ZNF827: variants seen among roughly 807,000 people sequenced by gnomAD.
ZNF827 encodes zinc finger protein 827.
A neutral mutation model predicts 102.4 loss-of-function variants in ZNF827; 13 were observed. The observed-to-expected ratio is 0.13, with a 90% CI of 0.08 to 0.20. The LOEUF is 0.20. Ranked by LOEUF, ZNF827 falls within the 10% of genes least tolerant of loss-of-function variation. ZNF827 has a pLI of 1.00. For missense variants in ZNF827, 1,103 were observed against 1,344.4 expected (o/e 0.82, Z 2.81); for synonymous variants, 523 against 536.2 (o/e 0.98, Z 0.34).
chr4:145,761,329 C>G lies in ZNF827; in HGVS notation c.*287G>C. The G allele has an allele frequency of 7.8e-7, 1 of 1,289,956 alleles. No homozygotes were observed. The highest frequency in any genetic ancestry group is 1.0e-6 in the Non-Finnish European group (1 of 988,894). The allele number at this position is 1,289,956 out of a possible 1,614,324, so 79.9% of individuals were successfully genotyped here. A position where few individuals can be genotyped will look rare whatever the true frequency, so the allele number is the denominator to read the frequency against. On this transcript the variant is annotated 3_prime_UTR_variant, in exon 15 of 15. Coordinates refer to ENST00000508784, the MANE Select transcript of ZNF827 (RefSeq NM_001306215.2). The surrounding 1 kb of genome is among the most constrained non-coding windows in gnomAD (Gnocchi z 6.8). Reference sequence around the variant, plus strand: ...GTTGAGATTGTCCTTGCGCTTGCAGCTGTAGCTGCACTGGTCACAGTGGAA... The same window carrying G: ...GTTGAGATTGTCCTTGCGCTTGCAGGTGTAGCTGCACTGGTCACAGTGGAA...
chr4:145,936,852 C>T (rs1754210943), intron 1 of ZNF827, among the ~76,000 whole-genome samples: 1 of 152,084 alleles, frequency 6.6e-6, no homozygotes. Flanking sequence ...CTCCCGCCCC[C>T]AGCCCGGGTT....
intron 5 of ZNF827, among the ~76,000 whole-genome samples, chr4:145,863,722 G>A (rs981486833): frequency 6.9e-6 from 1 of 145,430 alleles, no homozygotes; most frequent in Non-Finnish European, 1.5e-5. Flanking sequence ...TGCCTGGGTG[G>A]GGGGTGGAGG....
chr4:145,912,671 C>A (rs1374080434), intron 1 of ZNF827, among the ~76,000 whole-genome samples: 1 of 152,162 alleles, frequency 6.6e-6, no homozygotes, highest in Admixed American at 6.5e-5. Flanking sequence ...GACACACATG[C>A]ACACAGGAAG....
At chr4:145,859,794 T>C (rs1747527427) in intron 5 of ZNF827, among the ~76,000 whole-genome samples, 1 of 152,146 alleles carries the variant, frequency 6.6e-6, no homozygotes, top group Non-Finnish European at 1.5e-5. Flanking sequence ...CCCTAGTCAC[T>C]GAACACTCAC....
chr4:145,812,769 C>T (rs1248088440), intron 8 of ZNF827, among the ~76,000 whole-genome samples: 2 of 152,214 alleles, frequency 1.3e-5, no homozygotes, highest in East Asian at 3.9e-4. Flanking sequence ...CTCAGGTGAT[C>T]CATCCTCCTC....
intron 1 of ZNF827, among the ~76,000 whole-genome samples, chr4:145,910,139 C>T (rs535316519): frequency 4.9e-4 from 75 of 152,250 alleles, no homozygotes; most frequent in African/African-American, 1.5e-3. Context: ...GTAGTCCACA[C>T]ACGGGGGGAG....
At chr4:145,903,456 G>A (rs1292485887) in intron 1 of ZNF827, among the ~76,000 whole-genome samples, 1 of 152,192 alleles carries the variant, frequency 6.6e-6, no homozygotes, top group African/African-American at 2.4e-5. Context: ...AAAGGGAAAA[G>A]AAGGAAAAAG....
intron 5 of ZNF827, among the ~76,000 whole-genome samples, chr4:145,854,768 A>G (rs761079072): frequency 1.3e-5 from 2 of 152,196 alleles, no homozygotes; most frequent in Non-Finnish European, 2.9e-5. Context: ...TCAAAACCCT[A>G]TTCGGATGTC....
chr4:145,835,276 G>A (rs1343335197), intron 7 of ZNF827: 19 of 152,108 alleles, frequency 1.2e-4, no homozygotes, highest in African/African-American at 4.6e-4. Flanking sequence ...TGAGCTTCGG[G>A]TAACTCTCAC....
intron 11 of ZNF827, among the ~76,000 whole-genome samples, chr4:145,773,787 C>T (rs72952688): frequency 0.015 from 2,287 of 152,226 alleles, 53 homozygotes; most frequent in African/African-American, 0.051. Context: ...TCTTTGGCCG[C>T]GAACACACAT....
intron 8 of ZNF827, among the ~76,000 whole-genome samples, chr4:145,817,362 TAA>T (rs2126449422): frequency 6.6e-6 from 1 of 152,288 alleles, no homozygotes; most frequent in South Asian, 2.1e-4. Context: ...TACAGTGCCA[TAA>T]CAGATGTGTA....
intron 2 of ZNF827, among the ~76,000 whole-genome samples, chr4:145,897,359 AT>A (rs564638075): frequency 5.6e-4 from 86 of 152,316 alleles, no homozygotes; most frequent in African/African-American, 2.0e-3. Context: ...CTATGTGGTG[AT>A]TTGCAGCAAG....
chr4:145,823,543 G>T lies in ZNF827; in HGVS notation c.2280-18C>A. 6.4e-7 allele frequency: 1 copy of T among 1,561,696 alleles called. No homozygotes were observed. The highest frequency in any genetic ancestry group is 1.1e-5 in the South Asian group (1 of 89,986). ...AGAAAGGGCTGGGGTGGGGGAGGGG[G>T]AGTGAAGTTTAGTAAATTAAAGTTA... On this transcript the variant is annotated intron_variant, in intron 7 of 14. Coordinates refer to ENST00000508784, the MANE Select transcript of ZNF827 (RefSeq NM_001306215.2).
Position 145,853,358 on chromosome 4 carries a change from C to T in ZNF827, c.1982-3797G>A, listed in dbSNP as rs891474048. Among the ~76,000 whole-genome samples the T allele has an allele frequency of 8.5e-5, 13 of 152,322 alleles. 1 individual carries two copies. Among genetic ancestry groups the T allele is most frequent in the South Asian group, 4.1e-4 (2 of 4,826 alleles). On this transcript the variant is annotated intron_variant, in intron 5 of 14. Transcript: ENST00000508784. ...TTTACTCTTTCCTGTACACACACAACGTGAATCCTTTTAGAATCTCTTCCC... is the reference window on the plus strand; with the variant it reads ...TTTACTCTTTCCTGTACACACACAATGTGAATCCTTTTAGAATCTCTTCCC...
intron 1 of ZNF827, among the ~76,000 whole-genome samples, chr4:145,937,371 C>A (rs1341957413): frequency 1.3e-5 from 2 of 151,920 alleles, no homozygotes; most frequent in African/African-American, 4.8e-5. Flanking sequence ...TCTGAGAGCC[C>A]GAGTCTCGCC....
intron 5 of ZNF827, 64 bp from the exon 6 acceptor site, chr4:145,849,625 G>T: frequency 6.3e-7 from 1 of 1,598,176 alleles, no homozygotes; most frequent in African/African-American, 1.3e-5. Context: ...GCTAGACCCA[G>T]TTTCTAATCA....
chr4:145,892,127 G>T, intron 3 of ZNF827, 116 bp downstream of exon 3: 4 of 957,488 alleles, frequency 4.2e-6, no homozygotes, highest in Non-Finnish European at 6.0e-6. Flanking sequence ...ACTGTCATCC[G>T]CATGTTTCAT....
intron 1 of ZNF827, among the ~76,000 whole-genome samples, chr4:145,908,550 T>A (rs776064952): frequency 6.6e-6 from 1 of 152,236 alleles, no homozygotes; most frequent in Non-Finnish European, 1.5e-5. Flanking sequence ...ATCATACATT[T>A]CCATTAGCAT....
In ZNF827 at chr4:145,765,689, G is replaced by A; in HGVS notation, c.2910C>T (p.Ser970=). 1 of 1,614,138 alleles carries A rather than the reference G, an allele frequency of 6.2e-7. No homozygotes were observed. The highest frequency in any genetic ancestry group is 1.1e-5 in the South Asian group (1 of 91,072). ...PSESNSPSSS[S]LSALSDSANS... Reference sequence around the variant, plus strand: ...TGGCTGAATCACTCAGAGCTGAGAGGGAGGATGAAGAGGGGCTATTTGATT... The same window carrying A: ...TGGCTGAATCACTCAGAGCTGAGAGAGAGGATGAAGAGGGGCTATTTGATT... The change falls in exon 12 of 15, where the codon TCC becomes TCT. Residue 970 remains serine (S), a synonymous_variant. Coordinates refer to ENST00000508784, the MANE Select transcript of ZNF827 (RefSeq NM_001306215.2). The surrounding 1 kb of genome is among the most constrained non-coding windows in gnomAD (Gnocchi z 4.7).
Sources: gnomAD v4.1 joint callset for allele counts (sites outside exome capture counted in the v4.1 genomes callset) on GRCh38, gnomAD v4.1.1 for gene constraint, Gnocchi (gnomAD v3.1) non-coding constraint, MANE v1.5 for transcripts, NCBI Gene and HGNC (gene_info 2026-07-23, HGNC 2026-07-21) for gene names.